The following KCNK13 variants were observed in gnomAD, a reference collection of about 807,000 sequenced individuals.
KCNK13 encodes the protein potassium two pore domain channel subfamily K member 13, also known as potassium channel subfamily K member 13.
A neutral mutation model predicts 23.4 loss-of-function variants in KCNK13; 12 were observed. The observed-to-expected ratio is 0.51, with a 90% CI of 0.33 to 0.83. The LOEUF (loss-of-function observed/expected upper bound fraction) is 0.83. Ranked by LOEUF, KCNK13 falls within the 40% of genes least tolerant of loss-of-function variation. The pLI is 0.02. For synonymous variants in KCNK13, 231 were observed against 229.5 expected (o/e 1.01, Z -0.06); for missense variants, 463 against 556.3 (o/e 0.83, Z 1.69).
chr14:90,171,550 T>C (rs1423608694), intron 1 of KCNK13, among the ~76,000 whole-genome samples: 1 of 152,226 alleles, frequency 6.6e-6, no homozygotes, highest in African/African-American at 2.4e-5. Context: ...CCTGACGGCA[T>C]GTGCCTAAGG....
intron 1 of KCNK13, among the ~76,000 whole-genome samples, chr14:90,065,625 C>G (rs996884365): frequency 2.0e-5 from 3 of 152,214 alleles, no homozygotes; most frequent in Non-Finnish European, 4.4e-5. Flanking sequence ...TGCAAGAAAG[C>G]TGGGATGTTT....
In KCNK13 at chr14:90,184,937, C is replaced by A. The variant is rs1306728439; in HGVS notation, c.1161C>A (p.Phe387Leu). 1 of 1,612,596 alleles carries A rather than the reference C, an allele frequency of 6.2e-7. No homozygotes were observed. Among genetic ancestry groups the A allele is most frequent in the African/African-American group, 1.3e-5 (1 of 74,902 alleles). ...QTSTLARDNE[F>L]SGGVGAFAIM... ...GCACACTGGCCCGGGACAATGAATTCTCAGGGGGGGTGGGAGCCTTTGCAA... is the reference window on the plus strand; with the variant it reads ...GCACACTGGCCCGGGACAATGAATTATCAGGGGGGGTGGGAGCCTTTGCAA... Residue 387 changes from phenylalanine (F) to leucine (L), a missense_variant, in exon 2 of 2, where the codon TTC becomes TTA. Physicochemically the swap from Phe to Leu is conservative, Grantham distance 22. Transcript: ENST00000282146. The surrounding 1 kb of genome is among the most constrained non-coding windows in gnomAD (Gnocchi z 5.6).
chr14:90,135,843 A>G (rs1889929780), intron 1 of KCNK13, among the ~76,000 whole-genome samples: 1 of 152,220 alleles, frequency 6.6e-6, no homozygotes, highest in Non-Finnish European at 1.5e-5. Context: ...TTGACCTATC[A>G]GAAGAGTTCA....
intron 1 of KCNK13, among the ~76,000 whole-genome samples, chr14:90,116,173 G>A (rs28545022): frequency 0.27 from 41,245 of 151,824 alleles, 5,792 homozygotes; most frequent in East Asian, 0.37. Context: ...CACATATATC[G>A]TAGCCACATA....
intron 1 of KCNK13, among the ~76,000 whole-genome samples, chr14:90,105,528 A>G (rs1300840367): frequency 1.3e-5 from 2 of 152,220 alleles, no homozygotes; most frequent in Non-Finnish European, 2.9e-5. Flanking sequence ...TATGGAAACT[A>G]AGTACCACCA....
intron 1 of KCNK13, among the ~76,000 whole-genome samples, chr14:90,081,301 A>T (rs1000420238): frequency 6.6e-6 from 1 of 152,238 alleles, no homozygotes; most frequent in Non-Finnish European, 1.5e-5. Context: ...TCCATTAAAA[A>T]ATTCTTAATA....
At chr14:90,125,603 A>G (rs1045398543) in intron 1 of KCNK13, among the ~76,000 whole-genome samples, 11 of 52,444 alleles carry the variant, frequency 2.1e-4, no homozygotes, top group Non-Finnish European at 4.2e-4. Flanking sequence ...ACACACGCAC[A>G]CACACACACA....
rs1890520724 is a variant in KCNK13, at chr14:90,184,287, C to T, written c.511C>T (p.Leu171=). The T allele has an allele frequency of 6.2e-7, 1 of 1,614,242 alleles. No homozygotes were observed. Among genetic ancestry groups the T allele is most frequent in the Non-Finnish European group, 8.5e-7 (1 of 1,180,038 alleles). The change falls in exon 2 of 2, where the codon CTG becomes TTG. Residue 171 remains leucine (L), a synonymous_variant. Coordinates refer to ENST00000282146, the MANE Select transcript of KCNK13 (RefSeq NM_022054.4). This position sits in a 1 kb window ranked among gnomAD's most constrained non-coding sequence, Gnocchi z 5.6. ...GCGGCAGCTCCGGAGACGAGGGGCCCTGCCCCAGGAGAGCCTGAAGGATGC... is the reference window on the plus strand; with the variant it reads ...GCGGCAGCTCCGGAGACGAGGGGCCTTGCCCCAGGAGAGCCTGAAGGATGC... ...HQRQLRRRGA[L]PQESLKDAGQ... is the part of the protein sequence containing the mutation.
intron 1 of KCNK13, among the ~76,000 whole-genome samples, chr14:90,104,613 G>A (rs1001835881): frequency 1.1e-4 from 16 of 151,926 alleles, no homozygotes; most frequent in Non-Finnish European, 2.4e-4. Flanking sequence ...TCTCACAAAG[G>A]TGATGTGCAT....
At chr14:90,155,727 A>G (rs1890186244) in intron 1 of KCNK13, among the ~76,000 whole-genome samples, 1 of 152,184 alleles carries the variant, frequency 6.6e-6, no homozygotes, top group Non-Finnish European at 1.5e-5. Context: ...CTGGAAGGGG[A>G]AAGTTGCTAT....
rs1359482384 is a variant in KCNK13, at chr14:90,072,922, C to G, written c.334+10383C>G. Among the ~76,000 whole-genome samples the G allele has an allele frequency of 3.9e-5, 6 of 152,240 alleles. No homozygotes were observed. In the South Asian group the frequency reaches 8.3e-4, roughly 21 times the overall value. ...CACCATGGTTAAACACAGTGCACAT[C>G]TTTGTGTACGTTTAGTTCTAACAAC... On this transcript the variant is annotated intron_variant, in intron 1 of 1. Transcript: ENST00000282146.
chr14:90,131,601 C>T (rs564756875), intron 1 of KCNK13, among the ~76,000 whole-genome samples: 2 of 152,280 alleles, frequency 1.3e-5, no homozygotes, highest in African/African-American at 4.8e-5. Context: ...GATCGTAGTT[C>T]ACTGCAGCCT....
intron 1 of KCNK13, among the ~76,000 whole-genome samples, chr14:90,096,084 C>A (rs372402124): frequency 3.9e-5 from 6 of 152,196 alleles, no homozygotes; most frequent in African/African-American, 1.4e-4. Flanking sequence ...CAGGGTGAAC[C>A]ACCCTCCAGG....
chr14:90,145,974 G>A (rs192479886), intron 1 of KCNK13, among the ~76,000 whole-genome samples: 2 of 152,046 alleles, frequency 1.3e-5, no homozygotes, highest in Admixed American at 1.3e-4. Context: ...TCACGCCTGG[G>A]TAACAGAAAA....
At chr14:90,169,411 C>T (rs1395437598) in intron 1 of KCNK13, among the ~76,000 whole-genome samples, 1 of 152,172 alleles carries the variant, frequency 6.6e-6, no homozygotes, top group Non-Finnish European at 1.5e-5. Context: ...ACTATCGTCT[C>T]ACTACTACCT....
chr14:90,131,818 T>C (rs1178065371), intron 1 of KCNK13, among the ~76,000 whole-genome samples: 1 of 152,216 alleles, frequency 6.6e-6, no homozygotes, highest in African/African-American at 2.4e-5. Context: ...ATTGGAACCC[T>C]TGTGCATTGC....
intron 1 of KCNK13, among the ~76,000 whole-genome samples, chr14:90,110,775 G>A (rs534473636): frequency 3.9e-5 from 6 of 151,948 alleles, no homozygotes; most frequent in African/African-American, 1.4e-4. Context: ...TTGGGAGGCC[G>A]AGGCGGGCAG....
chr14:90,095,778 A>G (rs1442740611), intron 1 of KCNK13, among the ~76,000 whole-genome samples: 1 of 152,176 alleles, frequency 6.6e-6, no homozygotes, highest in Non-Finnish European at 1.5e-5. Flanking sequence ...TTCTGACACT[A>G]TCTATCTGGA....
chr14:90,081,920 A>T (rs1889217541), intron 1 of KCNK13, among the ~76,000 whole-genome samples: 1 of 152,132 alleles, frequency 6.6e-6, no homozygotes, highest in South Asian at 2.1e-4. Flanking sequence ...ATTGTTATAA[A>T]GGGAGGTTGC....
Sources: allele counts gnomAD v4.1 joint callset (sites outside exome capture counted in the v4.1 genomes callset), GRCh38; gene constraint gnomAD v4.1.1; non-coding constraint Gnocchi (gnomAD v3.1); transcripts MANE v1.5; gene names NCBI Gene and HGNC (gene_info 2026-07-23, HGNC 2026-07-21).